Variants in PEG3 observed in about 807,000 individuals in gnomAD.
PEG3 encodes the protein paternally expressed 3.
PEG3 carries 23 observed loss-of-function variants against 35.5 expected under a neutral mutation model. The observed-to-expected ratio is 0.65, with a 90% CI of 0.47 to 0.92. The LOEUF (loss-of-function observed/expected upper bound fraction) is 0.92. Among genes scored for constraint, PEG3 ranks in the 40% least tolerant of loss-of-function variants. The probability of loss-of-function intolerance (pLI) is 0.00; values close to 1 mark genes in which losing one functional copy is unlikely to be tolerated. For missense variants in PEG3, 1,960 were observed against 1,985.3 expected, an observed-to-expected ratio of 0.99 and a Z score of 0.24; for synonymous variants, 707 against 697.0, an observed-to-expected ratio of 1.01 and a Z score of -0.23.
intron 1 of PEG3, among the ~76,000 whole-genome samples, chr19:56,838,783 C>G (rs936519972): frequency 6.6e-6 from 1 of 152,214 alleles, no homozygotes; most frequent in Non-Finnish European, 1.5e-5. Context: ...ACACACAGCC[C>G]AAGGAGCGCG....
In PEG3 at chr19:56,822,779, C is replaced by A; in HGVS notation, c.539G>T (p.Trp180Leu). 1.2e-6 allele frequency: 2 copies of A among 1,614,140 alleles called. No individual in the cohort carries two copies. Among genetic ancestry groups the A allele is most frequent in the Non-Finnish European group, 1.7e-6 (2 of 1,180,034 alleles). ...GCTTCTTGGGTTCCTGGTGTGGGAC[C>A]AGCGGTCTCGTGGCTCCATGTCTCT... is the stretch of plus-strand genomic sequence containing the variant. ...RSRDMEPRDRWSHTRNPRSRM... is the reference protein window; with the variant it reads ...RSRDMEPRDRLSHTRNPRSRM... Residue 180 changes from tryptophan (W) to leucine (L), a missense_variant, in exon 6 of 10, where the codon TGG becomes TTG. Trp to Leu is a moderately conservative substitution (Grantham distance 61, BLOSUM62 -2). Around this residue, in one of 5 missense-constraint regions of PEG3, gnomAD observed 613 missense variants for 577.1 expected, o/e 1.06. Coordinates refer to ENST00000326441, the MANE Select transcript of PEG3 (RefSeq NM_006210.3).
chr19:56,822,629 G>T, intron 6 of PEG3, 124 bp downstream of exon 6: 2 of 1,350,794 alleles, frequency 1.5e-6, no homozygotes, highest in Non-Finnish European at 2.0e-6. Flanking sequence ...CTAAACTTTT[G>T]GGGAAGCGGA....
intron 1 of PEG3, among the ~76,000 whole-genome samples, chr19:56,839,267 A>G (rs1020893203): frequency 4.0e-5 from 6 of 150,650 alleles, no homozygotes; most frequent in Non-Finnish European, 8.9e-5. Flanking sequence ...CCCCCATCAA[A>G]CATGGCATCT....
chr19:56,832,269 C>T (rs2061645041), intron 2 of PEG3, among the ~76,000 whole-genome samples: 1 of 152,204 alleles, frequency 6.6e-6, no homozygotes, highest in African/African-American at 2.4e-5. Context: ...AGGCCCTGCC[C>T]TTTCTCTGCT....
rs191716523 is a variant in PEG3 at position 56,813,740 on chromosome 19, C to G, written c.4702G>C (p.Val1568Leu). 9 of 1,613,972 alleles carry G rather than the reference C, an allele frequency of 5.6e-6. No individual in the cohort carries two copies. Among genetic ancestry groups the G allele is most frequent in the Admixed American group, 3.3e-5 (2 of 59,992 alleles). ...QADEKYFKCD[V>L]CGQLFNDRLS... ...CGGTCATTGAAGAGCTGCCCACAGACGTCACATTTGAAGTACTTCTCATCA... is the reference window on the plus strand; with the variant it reads ...CGGTCATTGAAGAGCTGCCCACAGAGGTCACATTTGAAGTACTTCTCATCA... The change falls in exon 10 of 10, where the codon GTC becomes CTC. Residue 1568 changes from valine (V) to leucine (L), a missense_variant. Val to Leu is a conservative substitution (Grantham distance 32). Around this residue, in one of 5 missense-constraint regions of PEG3, gnomAD observed 416 missense variants for 416.7 expected, o/e 1.00. Transcript: ENST00000326441.
chr19:56,814,006 G>C lies in PEG3; in HGVS notation c.4436C>G (p.Ala1479Gly), dbSNP rs2059736662. The C allele has an allele frequency of 1.9e-6, 3 of 1,614,106 alleles. No individual in the cohort carries two copies. Among genetic ancestry groups the C allele is most frequent in the African/African-American group, 2.7e-5 (2 of 75,034 alleles). The change falls in exon 10 of 10, where the codon GCC becomes GGC. Residue 1479 changes from alanine (A) to glycine (G), a missense_variant. Physicochemically the swap from Ala to Gly is moderately conservative, Grantham distance 60. Coordinates refer to ENST00000326441, the MANE Select transcript of PEG3 (RefSeq NM_006210.3). The surrounding 1 kb of genome is among the most constrained non-coding windows in gnomAD (Gnocchi z 5.8). ...AATTCCCACACCGTCAGGCTCGTCG[G>C]CATCTCCCTCTGGCTCTTCAGCTTT... is the stretch of plus-strand genomic sequence containing the variant. ...EGKAEEPEGD[A>G]DEPDGVGIED... is the part of the protein sequence containing the mutation.
intron 7 of PEG3, among the ~76,000 whole-genome samples, chr19:56,821,443 T>G (rs1412201205): frequency 6.6e-6 from 1 of 152,100 alleles, no homozygotes; most frequent in Non-Finnish European, 1.5e-5. Context: ...CAGGAGCTCC[T>G]CTGACCACAT....
chr19:56,820,544 C>T (rs9304785), intron 7 of PEG3, among the ~76,000 whole-genome samples: 120,059 of 152,118 alleles, frequency 0.79, 47,470 homozygotes, highest in South Asian at 0.85. Context: ...GTTTGGTTCC[C>T]ATCCCACAAC....
chr19:56,822,160 C>T (rs1435791355), intron 6 of PEG3, among the ~76,000 whole-genome samples: 2 of 152,220 alleles, frequency 1.3e-5, no homozygotes, highest in Non-Finnish European at 2.9e-5. Context: ...GTGTTGTGAA[C>T]CGTCACTAAA....
chr19:56,829,746 A>T (rs1336917602), intron 2 of PEG3, among the ~76,000 whole-genome samples: 1 of 152,200 alleles, frequency 6.6e-6, no homozygotes, highest in Non-Finnish European at 1.5e-5. Flanking sequence ...GTGGGGCCAG[A>T]TGCTGAAATT....
chr19:56,838,110 A>G lies in PEG3; in HGVS notation c.-249-2006T>C, dbSNP rs571668533. 2.6e-5 allele frequency among the ~76,000 whole-genome samples: 4 copies of G among 152,350 alleles called. No homozygotes were observed. The South Asian group carries it at 6.2e-4, about 24-fold the overall frequency. On this transcript the variant is annotated intron_variant, in intron 1 of 9. Coordinates refer to ENST00000326441, the MANE Select transcript of PEG3 (RefSeq NM_006210.3). Reference sequence around the variant, plus strand: ...TAATGGCCAGCAAAGATGATGCCACAGAGTGGGCGGGGCCATGCAGACCCC... The same window carrying G: ...TAATGGCCAGCAAAGATGATGCCACGGAGTGGGCGGGGCCATGCAGACCCC...
At chr19:56,821,504 G>T in intron 7 of PEG3, 147 bp downstream of exon 7, 1 of 925,794 alleles carries the variant, frequency 1.1e-6, no homozygotes, top group Non-Finnish European at 1.6e-6. Context: ...TCACCTAAGG[G>T]ATGGGCCCGG....
intron 5 of PEG3, 57 bp from the exon 6 acceptor site, chr19:56,822,893 C>G: frequency 6.3e-7 from 1 of 1,575,956 alleles, no homozygotes; most frequent in Non-Finnish European, 8.6e-7. Context: ...CCTGTTTTCC[C>G]TGCATGTGCA....
chr19:56,810,839 T>G lies in PEG3; in HGVS notation c.*2836A>C. The G allele has an allele frequency of 1.0e-6, 1 of 961,370 alleles. No homozygotes were observed. Among genetic ancestry groups the G allele is most frequent in the Non-Finnish European group, 1.2e-6 (1 of 809,148 alleles). 59.6% of individuals were successfully genotyped at this position (961,370 alleles called of 1,614,324 possible). ...AATATAGGTAATTTTTTAAAATAAT[T>G]TACTTTATTTTCTAATTTTTCCTCT... On this transcript the variant is annotated 3_prime_UTR_variant, in exon 10 of 10. Coordinates refer to ENST00000326441, the MANE Select transcript of PEG3 (RefSeq NM_006210.3).
chr19:56,824,411 T>C lies in PEG3; in HGVS notation c.245A>G (p.Lys82Arg), dbSNP rs2060813516. The change falls in exon 4 of 10, where the codon AAG becomes AGG. Residue 82 changes from lysine to arginine, a missense_variant. Physicochemically the swap from Lys to Arg is conservative, Grantham distance 26. Coordinates refer to ENST00000326441, the MANE Select transcript of PEG3 (RefSeq NM_006210.3). ...LDWLQPETRT[K>R]EEIIELLVLE... ...GACCAAGAGCTCGATGATCTCCTCC[T>C]TGGTGCGGGTCTCCGGCTGCAACCA... The C allele has an allele frequency of 6.2e-7, 1 of 1,614,042 alleles. No individual in the cohort carries two copies. Among genetic ancestry groups the C allele is most frequent in the Non-Finnish European group, 8.5e-7 (1 of 1,180,030 alleles).
In PEG3 at chr19:56,817,143, G is replaced by A. The variant is rs184132844; in HGVS notation, c.1299C>T (p.Ser433=). ...RKAMSVSSLS[S]LSSPSFTESQ... is the part of the protein sequence containing the mutation. ...ACTCGGTAAAGGAGGGGGAGCTGAG[G>A]CTGCTCAGGCTGCTCACGCTCATGG... Residue 433 remains serine, a synonymous_variant, in exon 10 of 10, where the codon AGC becomes AGT. Coordinates refer to ENST00000326441, the MANE Select transcript of PEG3 (RefSeq NM_006210.3). The A allele has an allele frequency of 6.3e-5, 101 of 1,614,138 alleles. No homozygotes were observed. In the African/African-American group the frequency reaches 9.7e-4, roughly 16 times the overall value.
At chr19:56,821,595 G>T (rs553704094) in intron 7 of PEG3, 56 bp downstream of exon 7, 1 of 1,595,286 alleles carries the variant, frequency 6.3e-7, no homozygotes, top group African/African-American at 1.3e-5. Flanking sequence ...AAAGAAAGGC[G>T]TCTCTGCCAT....
Position 56,814,346 on chromosome 19 carries a change from C to G in PEG3, c.4096G>C (p.Ala1366Pro), listed in dbSNP as rs1442846373. 6.2e-7 allele frequency: 1 copy of G among 1,613,946 alleles called. No individual in the cohort carries two copies. Among genetic ancestry groups the G allele is most frequent in the Admixed American group, 1.7e-5 (1 of 60,008 alleles). Residue 1366 changes from alanine (A) to proline (P), a missense_variant, in exon 10 of 10, where the codon GCT (alanine) becomes CCT (proline). Ala to Pro is a conservative substitution (Grantham distance 27). Coordinates refer to ENST00000326441, the MANE Select transcript of PEG3 (RefSeq NM_006210.3). The surrounding 1 kb of genome is among the most constrained non-coding windows in gnomAD (Gnocchi z 5.8). ...EEEEEDEAAA[A>P]AAAAAQEVEA... is the part of the protein sequence containing the mutation. ...ACTTCCTGGGCTGCTGCTGCTGCAG[C>G]TGCTGCTGCTTCATCTTCTTCTTCT...
intron 2 of PEG3, among the ~76,000 whole-genome samples, chr19:56,830,263 A>T (rs1460663928): frequency 6.6e-6 from 1 of 152,266 alleles, no homozygotes; most frequent in Admixed American, 6.5e-5. Flanking sequence ...CAAAGTCCAA[A>T]TAATAGCCCA....
Sources: gnomAD v4.1 joint callset for allele counts (sites outside exome capture counted in the v4.1 genomes callset) on GRCh38, gnomAD v4.1.1 for gene constraint, gnomAD v4.1.1 regional missense constraint, Gnocchi (gnomAD v3.1) non-coding constraint, MANE v1.5 for transcripts, NCBI Gene and HGNC (gene_info 2026-07-23, HGNC 2026-07-21) for gene names.